The following ATXN7 variants were observed in gnomAD, a reference collection of about 807,000 sequenced individuals.
ATXN7 encodes ataxin 7, also known as ataxin-7.
Under a neutral mutation model 70.5 loss-of-function variants are expected in ATXN7, and 12 were observed. The observed-to-expected ratio is 0.17, with a 90% CI of 0.11 to 0.28. ATXN7 has a LOEUF of 0.28. Among genes scored for constraint, ATXN7 ranks in the 10% least tolerant of loss-of-function variants. ATXN7 has a pLI of 1.00. For missense variants in ATXN7, 1,256 were observed against 1,131.7 expected (o/e 1.11, Z -1.58); for synonymous variants, 498 against 448.7 (o/e 1.11, Z -1.39).
At chr3:63,897,170 T>C (rs955747474) in intron 1 of ATXN7, among the ~76,000 whole-genome samples, 5 of 152,186 alleles carry the variant, frequency 3.3e-5, no homozygotes, top group African/African-American at 1.2e-4. Flanking sequence ...GACAGACATG[T>C]TGAACAAGAA....
At chr3:63,904,616 C>T (rs1400087755) in intron 2 of ATXN7, 2 of 152,152 alleles carry the variant, frequency 1.3e-5, no homozygotes, top group Non-Finnish European at 2.9e-5. Flanking sequence ...AGAGATATAT[C>T]ACAATTTGTT....
chr3:63,904,077 C>A (rs1490637857), intron 2 of ATXN7: 1 of 152,220 alleles, frequency 6.6e-6, no homozygotes, highest in East Asian at 1.9e-4. Context: ...CCATCGCATT[C>A]CTAAGCAGTC....
At chr3:63,964,073 AACACACACACACAC>A (rs10557844) in intron 5 of ATXN7, among the ~76,000 whole-genome samples, 9 of 147,180 alleles carry the variant, frequency 6.1e-5, no homozygotes, top group East Asian at 2.0e-4. Context: ...TAGACACATA[AACACACACACACAC>A]ACACACACAC....
At chr3:63,980,210 A>G (rs372046133) in intron 6 of ATXN7, 43 bp downstream of exon 6, 32 of 1,611,402 alleles carry the variant, frequency 2.0e-5, no homozygotes, top group East Asian at 8.9e-5. Context: ...CCTGCTGGAA[A>G]TGAAACTGTG....
intron 8 of ATXN7, among the ~76,000 whole-genome samples, chr3:63,984,221 A>G (rs2075536011): frequency 6.6e-6 from 1 of 152,056 alleles, no homozygotes; most frequent in Non-Finnish European, 1.5e-5. Context: ...AAAAAAAAAA[A>G]ACCACGGTCC....
chr3:63,998,200 A>AGC (rs1553696272), intron 12 of ATXN7: 22 of 564,210 alleles, frequency 3.9e-5, no homozygotes, highest in East Asian at 2.2e-4. Context: ...AAAGGACAGA[A>AGC]GGGGGGGGGG....
chr3:63,896,151 C>G (rs1703440114), intron 1 of ATXN7, among the ~76,000 whole-genome samples: 1 of 152,006 alleles, frequency 6.6e-6, no homozygotes, highest in Non-Finnish European at 1.5e-5. Context: ...TCAACATAGG[C>G]TAGGGAGCTC....
Position 63,996,172 on chromosome 3 carries a change from C to T in ATXN7, c.2350C>T (p.Pro784Ser), listed in dbSNP as rs2075756008. The change falls in exon 12 of 13, where the codon CCT (proline) becomes TCT (serine). Residue 784 changes from proline to serine, a missense_variant. Transcript: ENST00000674280. ...QSGRGPPTGS[P>S]AESIKRMSVM... ...AGGGAGGGGCCCCCCCACCGGGAGC[C>T]CTGCTGAATCCATCAAGAGGATGAG... is the stretch of plus-strand genomic sequence containing the variant. 1 of 1,614,174 alleles carries T rather than the reference C, an allele frequency of 6.2e-7. No homozygotes were observed. The highest frequency in any genetic ancestry group is 8.5e-7 in the Non-Finnish European group (1 of 1,180,040).
intron 2 of ATXN7, among the ~76,000 whole-genome samples, chr3:63,902,957 T>C (rs1472303866): frequency 1.3e-5 from 2 of 152,112 alleles, no homozygotes; most frequent in Non-Finnish European, 2.9e-5. Flanking sequence ...AATAAAAAGT[T>C]CCTTTAAGTT....
chr3:63,887,485 C>T (rs1703125028), intron 1 of ATXN7, among the ~76,000 whole-genome samples: 1 of 152,178 alleles, frequency 6.6e-6, no homozygotes, highest in Non-Finnish European at 1.5e-5. Flanking sequence ...AACATAAGCA[C>T]AGTGACATCT....
At chr3:63,913,620 T>G (rs1704147362) in intron 4 of ATXN7, among the ~76,000 whole-genome samples, 1 of 152,228 alleles carries the variant, frequency 6.6e-6, no homozygotes. Flanking sequence ...ATTTTGAACT[T>G]AAAGAAGATG....
intron 12 of ATXN7, chr3:63,998,701 T>G (rs917807870): frequency 1.0e-6 from 1 of 983,252 alleles, no homozygotes; most frequent in Admixed American, 6.2e-5. Flanking sequence ...CAAGAAGTAT[T>G]GCACATTTTT....
Position 63,996,127 on chromosome 3 carries a change from A to G in ATXN7, c.2305A>G (p.Asn769Asp). ...NCVTNKANAV[N>D]VRHDQSGRGP... The stretch of plus-strand genomic sequence containing the variant: ...TGTGACGAATAAAGCAAATGCGGTG[A>G]ACGTCCGGCATGACCAGTCAGGGAG... The change falls in exon 12 of 13, where the codon AAC becomes GAC. Residue 769 changes from asparagine (N) to aspartate (D), a missense_variant. Transcript: ENST00000674280. 6.2e-7 allele frequency: 1 copy of G among 1,614,182 alleles called. No homozygotes were observed. The highest frequency in any genetic ancestry group is 8.5e-7 in the Non-Finnish European group (1 of 1,180,024).
Position 63,937,178 on chromosome 3 carries a change from A to G in ATXN7, c.395-15201A>G, listed in dbSNP as rs184138874. On this transcript the variant is annotated intron_variant, in intron 4 of 12. Coordinates refer to ENST00000674280, the MANE Select transcript of ATXN7 (RefSeq NM_001377405.1). ...TAATTACTGATAAGCATGGACGTAA[A>G]TAAGGCAGTGTGTCGACTGTTTTTC... Among the ~76,000 whole-genome samples, 45 of 152,342 alleles carry G rather than the reference A, an allele frequency of 3.0e-4. 1 individual carries two copies. Among genetic ancestry groups the G allele is most frequent in the Admixed American group, 1.2e-3 (19 of 15,306 alleles).
chr3:63,921,276 G>A (rs1015856369), intron 4 of ATXN7, among the ~76,000 whole-genome samples: 1 of 152,032 alleles, frequency 6.6e-6, no homozygotes, highest in Non-Finnish European at 1.5e-5. Context: ...TCCCTCCCAG[G>A]TTATACAGAT....
chr3:63,990,926 G>A, intron 11 of ATXN7, 67 bp downstream of exon 11: 1 of 1,604,630 alleles, frequency 6.2e-7, no homozygotes, highest in East Asian at 2.2e-5. Flanking sequence ...TTTATTTCCT[G>A]TGAGACTGAT....
intron 4 of ATXN7, among the ~76,000 whole-genome samples, chr3:63,940,162 C>A (rs770043177): frequency 6.6e-6 from 1 of 151,936 alleles, no homozygotes; most frequent in Non-Finnish European, 1.5e-5. Context: ...GTGCGCATGC[C>A]CAGAAAGGAC....
intron 5 of ATXN7, among the ~76,000 whole-genome samples, chr3:63,954,018 C>G (rs2074998736): frequency 1.3e-5 from 2 of 152,106 alleles, no homozygotes; most frequent in Admixed American, 1.3e-4. Flanking sequence ...AAGAGTCACA[C>G]CATCATAAGC....
chr3:63,994,307 T>C (rs1478483513), intron 11 of ATXN7, among the ~76,000 whole-genome samples: 2 of 152,138 alleles, frequency 1.3e-5, no homozygotes, highest in East Asian at 1.9e-4. Flanking sequence ...TGATTTCAGC[T>C]CACTGTGACC....
Sources: allele counts gnomAD v4.1 joint callset (sites outside exome capture counted in the v4.1 genomes callset), GRCh38; gene constraint gnomAD v4.1.1; transcripts MANE v1.5; gene names NCBI Gene and HGNC (gene_info 2026-07-23, HGNC 2026-07-21).